Variants in GARNL3 observed in about 807,000 individuals in gnomAD.
The protein encoded by GARNL3 is GTPase activating Rap/RanGAP domain like 3, also known as GTPase-activating Rap/Ran-GAP domain-like protein 3.
GARNL3 carries 63 observed loss-of-function variants against 125.0 expected under a neutral mutation model. That is an observed-to-expected ratio of 0.50 (90% CI 0.41 to 0.62). The LOEUF is 0.62. GARNL3 is among the 20% of genes least tolerant of loss of function. GARNL3 has a pLI of 0.00. For missense variants in GARNL3, 994 were observed against 1,244.0 expected (o/e 0.80, Z 3.02); for synonymous variants, 439 against 457.5 (o/e 0.96, Z 0.52).
At chr9:127,240,435 T>G (rs2063183638) in intron 1 of GARNL3, among the ~76,000 whole-genome samples, 1 of 152,066 alleles carries the variant, frequency 6.6e-6, no homozygotes. Context: ...CACCCCATCC[T>G]CACTCCCACC....
chr9:127,380,198 A>AT (rs1458335111), intron 22 of GARNL3, among the ~76,000 whole-genome samples: 7 of 69,234 alleles, frequency 1.0e-4, no homozygotes, highest in Admixed American at 3.0e-4. Flanking sequence ...GTCTCAAAAA[A>AT]TATGTGTGTG....
At chr9:127,243,046 C>T in intron 1 of GARNL3, 1 of 1,325,760 alleles carries the variant, frequency 7.5e-7, no homozygotes, top group East Asian at 5.1e-5. Context: ...TCTTCTCTGT[C>T]TCTTAGTGCC....
chr9:127,279,580 C>T (rs970124719), intron 1 of GARNL3, among the ~76,000 whole-genome samples: 1 of 152,028 alleles, frequency 6.6e-6, no homozygotes, highest in Admixed American at 6.5e-5. Flanking sequence ...TTTATCTCAC[C>T]CACTTGCACA....
intron 1 of GARNL3, among the ~76,000 whole-genome samples, chr9:127,274,923 T>C (rs1277086271): frequency 6.6e-6 from 1 of 152,136 alleles, no homozygotes; most frequent in Non-Finnish European, 1.5e-5. Flanking sequence ...TCTTGGTGTC[T>C]GTTTGGTAAC....
intron 9 of GARNL3, 41 bp from the exon 10 acceptor site, chr9:127,335,189 G>T (rs778232400): frequency 3.6e-6 from 5 of 1,392,410 alleles, no homozygotes; most frequent in Non-Finnish European, 5.1e-6. Flanking sequence ...CTTTTGGCTC[G>T]AATTCTCTGT....
chr9:127,303,872 G>T (rs909866597), intron 2 of GARNL3, among the ~76,000 whole-genome samples: 7 of 152,070 alleles, frequency 4.6e-5, no homozygotes, highest in African/African-American at 1.2e-4. Flanking sequence ...GTATAAGTAG[G>T]GGGTGGGGGA....
At chr9:127,226,348 C>T (rs2062913646) in intron 1 of GARNL3, among the ~76,000 whole-genome samples, 1 of 152,258 alleles carries the variant, frequency 6.6e-6, no homozygotes, top group Non-Finnish European at 1.5e-5. Context: ...GGCCTTTTCC[C>T]TCCATCCTCA....
Position 127,316,147 on chromosome 9 carries a change from C to A in GARNL3, c.439-1916C>A, listed in dbSNP as rs189690761. 5.2e-3 allele frequency among the ~76,000 whole-genome samples: 795 copies of A among 152,278 alleles called. 2 individuals carry two copies. The highest frequency in any genetic ancestry group is 8.4e-3 in the Non-Finnish European group (570 of 68,012). ...AATCCCAGGAGCCCTGAGTTTCGCACCCACATAGGCAGCTCATGAAGGTGT... is the reference window on the plus strand; with the variant it reads ...AATCCCAGGAGCCCTGAGTTTCGCAACCACATAGGCAGCTCATGAAGGTGT... On this transcript the variant is annotated intron_variant, in intron 4 of 27. Transcript: ENST00000373387.
At chr9:127,281,024 GAA>G (rs1224150765) in intron 1 of GARNL3, among the ~76,000 whole-genome samples, 1 of 152,152 alleles carries the variant, frequency 6.6e-6, no homozygotes, top group Non-Finnish European at 1.5e-5. Flanking sequence ...TTTGAACACA[GAA>G]AAAGAGTGAG....
chr9:127,340,643 T>C (rs1451090094), intron 13 of GARNL3, among the ~76,000 whole-genome samples: 2 of 149,742 alleles, frequency 1.3e-5, no homozygotes, highest in Non-Finnish European at 3.0e-5. Context: ...ACATCTAGAA[T>C]GCCCCTCTCT....
intron 2 of GARNL3, among the ~76,000 whole-genome samples, chr9:127,296,945 C>T (rs567071462): frequency 6.6e-6 from 1 of 152,112 alleles, no homozygotes; most frequent in South Asian, 2.1e-4. Context: ...CTGTGAGTCC[C>T]CTCCTTAGAA....
At chr9:127,255,526 G>A (rs938661221) in intron 2 of GARNL3, among the ~76,000 whole-genome samples, 12 of 152,166 alleles carry the variant, frequency 7.9e-5, no homozygotes, top group African/African-American at 2.2e-4. Flanking sequence ...TTTCAGGGGA[G>A]GGAGAGATGT....
chr9:127,227,793 G>A (rs189130099), intron 1 of GARNL3, among the ~76,000 whole-genome samples: 1 of 152,128 alleles, frequency 6.6e-6, no homozygotes, highest in East Asian at 1.9e-4. Flanking sequence ...GGTGGCACAT[G>A]CCTGTAGTCT....
intron 21 of GARNL3, chr9:127,363,259 C>G (rs1205073151): frequency 1.3e-5 from 2 of 152,288 alleles, no homozygotes; most frequent in Non-Finnish European, 1.5e-5. Context: ...AGTGCTGGAG[C>G]TCTTGGCCAC....
At position 127,242,865 on chromosome 9, in the gene GARNL3, A is replaced by C. The variant is rs886126150; in HGVS notation, c.-28-214A>C. 1.3e-5 allele frequency among the ~76,000 whole-genome samples: 2 copies of C among 151,996 alleles called. No homozygotes were observed. Among genetic ancestry groups the C allele is most frequent in the African/African-American group, 4.8e-5 (2 of 41,384 alleles). On this transcript the variant is annotated intron_variant, in intron 1 of 10. Transcript: ENST00000439286. The surrounding 1 kb of genome is among the most constrained non-coding windows in gnomAD (Gnocchi z 4.6). ...ACTTAACTGATTGCTGAGGGATGTA[A>C]CAGGACTTGGATGGTTCCATGGCCC...
intron 22 of GARNL3, among the ~76,000 whole-genome samples, chr9:127,382,684 C>T (rs1588973914): frequency 6.6e-6 from 1 of 152,162 alleles, no homozygotes; most frequent in East Asian, 1.9e-4. Context: ...CTTTGTTTCT[C>T]CACTGACTTT....
At chr9:127,318,203 G>T in intron 5 of GARNL3, 76 bp downstream of exon 5, 1 of 888,006 alleles carries the variant, frequency 1.1e-6, no homozygotes. Flanking sequence ...TGATCATTCT[G>T]ATGTTACCTT....
intron 1 of GARNL3, 125 bp downstream of exon 1, chr9:127,265,146 T>C: frequency 1.5e-6 from 1 of 677,220 alleles, no homozygotes; most frequent in East Asian, 2.9e-5. Flanking sequence ...AAGGATTGGA[T>C]TGGAATAAAT....
chr9:127,309,933 A>G (rs938712754), intron 2 of GARNL3, among the ~76,000 whole-genome samples: 4 of 152,234 alleles, frequency 2.6e-5, no homozygotes, highest in African/African-American at 4.8e-5. Flanking sequence ...TGGAGATATC[A>G]ACAAAGCTGC....
Sources: gnomAD v4.1 joint callset for allele counts (sites outside exome capture counted in the v4.1 genomes callset) on GRCh38, gnomAD v4.1.1 for gene constraint, Gnocchi (gnomAD v3.1) non-coding constraint, MANE v1.5 for transcripts, NCBI Gene and HGNC (gene_info 2026-07-23, HGNC 2026-07-21) for gene names.